Variants in RANBP9 observed in about 807,000 individuals in gnomAD.
The protein encoded by RANBP9 is ran-binding protein 9.
Under a neutral mutation model 84.3 loss-of-function variants are expected in RANBP9, and 15 were observed. The observed-to-expected ratio is 0.18, with a 90% CI of 0.12 to 0.27. The LOEUF is 0.27. Ranked by LOEUF, RANBP9 falls within the 10% of genes least tolerant of loss-of-function variation. RANBP9 has a pLI of 1.00. For synonymous variants in RANBP9, 392 were observed against 349.6 expected (o/e 1.12, Z -1.35); for missense variants, 809 against 912.8 (o/e 0.89, Z 1.46).
intron 2 of RANBP9, among the ~76,000 whole-genome samples, chr6:13,670,650 A>AT (rs1426239871): frequency 6.6e-6 from 1 of 151,614 alleles, no homozygotes; most frequent in Non-Finnish European, 1.5e-5. Flanking sequence ...CAAAAACAAA[A>AT]TTAGACGGGC....
At chr6:13,708,489 A>G (rs538911107) in intron 1 of RANBP9, among the ~76,000 whole-genome samples, 18 of 152,296 alleles carry the variant, frequency 1.2e-4, no homozygotes, top group Admixed American at 3.9e-4. Context: ...AGCAAAAGAA[A>G]GCAAAATACT....
Position 13,641,035 on chromosome 6 carries a change from A to G in RANBP9, c.1334+164T>C, listed in dbSNP as rs534017945. Among the ~76,000 whole-genome samples, 4 of 152,298 alleles carry G rather than the reference A, an allele frequency of 2.6e-5. No individual in the cohort carries two copies. In the South Asian group the frequency reaches 6.2e-4, roughly 24 times the overall value. On this transcript the variant is annotated intron_variant, in intron 8 of 13. Coordinates refer to ENST00000011619, the MANE Select transcript of RANBP9 (RefSeq NM_005493.3). ...CCTTCTGCTTATGGTCCTTAACACA[A>G]AAGTATTTTTCATAACATGTTGCTT...
At chr6:13,629,923 T>TCTC (rs1562296324) in intron 12 of RANBP9, among the ~76,000 whole-genome samples, 54 of 109,786 alleles carry the variant, frequency 4.9e-4, no homozygotes, top group Admixed American at 2.0e-3. Context: ...CTCTCTCTCG[T>TCTC]GTGTGTGTGT....
intron 2 of RANBP9, among the ~76,000 whole-genome samples, chr6:13,682,261 TTAAG>T (rs1185988059): frequency 2.6e-5 from 4 of 152,078 alleles, no homozygotes; most frequent in African/African-American, 9.7e-5. Context: ...GAAGATAATT[TTAAG>T]TAAGTGAAAC....
intron 2 of RANBP9, among the ~76,000 whole-genome samples, chr6:13,663,647 G>C (rs1765582008): frequency 6.6e-6 from 1 of 151,880 alleles, no homozygotes; most frequent in South Asian, 2.1e-4. Flanking sequence ...GCTAAAAATA[G>C]CAGAGACATA....
chr6:13,659,562 C>G (rs965062591), intron 2 of RANBP9, among the ~76,000 whole-genome samples: 1 of 151,928 alleles, frequency 6.6e-6, no homozygotes, highest in Admixed American at 6.6e-5. Flanking sequence ...AAATATAGTT[C>G]AAAGGAAGAA....
In RANBP9 at chr6:13,663,285, A is replaced by G. The variant is rs564624767; in HGVS notation, c.684-4453T>C. Among the ~76,000 whole-genome samples the G allele has an allele frequency of 8.5e-5, 13 of 152,298 alleles. No homozygotes were observed. The South Asian group carries it at 2.3e-3, about 27-fold the overall frequency. ...AATGAAATCTTTAAAAGTGCTAAAA[A>G]GAAAAAAAACCCAAAAGCCTGCCAA... On this transcript the variant is annotated intron_variant, in intron 2 of 13. Transcript: ENST00000011619.
chr6:13,666,690 G>T (rs1765657440), intron 2 of RANBP9, among the ~76,000 whole-genome samples: 1 of 150,388 alleles, frequency 6.6e-6, no homozygotes, highest in Non-Finnish European at 1.5e-5. Context: ...TTGAGCCTGA[G>T]AGGTCGAGGC....
intron 2 of RANBP9, among the ~76,000 whole-genome samples, chr6:13,679,787 T>TA (rs1765986024): frequency 6.6e-6 from 1 of 152,062 alleles, no homozygotes; most frequent in Non-Finnish European, 1.5e-5. Context: ...GATGTACCTA[T>TA]AAAACTATGG....
At chr6:13,632,339 T>G (rs969050197) in intron 12 of RANBP9, 31 bp downstream of exon 12, 5 of 1,599,270 alleles carry the variant, frequency 3.1e-6, no homozygotes, top group African/African-American at 1.3e-5. Flanking sequence ...CTCTGACATA[T>G]TCATAATTTT....
At chr6:13,701,281 C>A (rs1191227781) in intron 1 of RANBP9, among the ~76,000 whole-genome samples, 1 of 152,104 alleles carries the variant, frequency 6.6e-6, no homozygotes, top group Non-Finnish European at 1.5e-5. Context: ...GAATAAAGTC[C>A]AAAATCTTAT....
intron 1 of RANBP9, among the ~76,000 whole-genome samples, chr6:13,708,404 A>C (rs1459922437): frequency 6.6e-6 from 1 of 152,186 alleles, no homozygotes; most frequent in Non-Finnish European, 1.5e-5. Flanking sequence ...CCATCAAGGC[A>C]ACAAAGTTGA....
chr6:13,689,515 C>T (rs1766275960), intron 2 of RANBP9, among the ~76,000 whole-genome samples: 1 of 152,028 alleles, frequency 6.6e-6, no homozygotes, highest in Non-Finnish European at 1.5e-5. Flanking sequence ...CTCAGGTGAT[C>T]CACCCGCTTC....
intron 10 of RANBP9, among the ~76,000 whole-genome samples, chr6:13,635,970 GTTA>G (rs1435386040): frequency 2.0e-5 from 3 of 151,884 alleles, no homozygotes; most frequent in Non-Finnish European, 4.4e-5. Flanking sequence ...AGCTAATTAA[GTTA>G]TTATATTACA....
At chr6:13,626,033 A>G (rs1764593100) in intron 12 of RANBP9, among the ~76,000 whole-genome samples, 1 of 152,218 alleles carries the variant, frequency 6.6e-6, no homozygotes. Flanking sequence ...AAAAAATTTC[A>G]AAGGAATGAA....
In RANBP9 at chr6:13,711,549, C is replaced by T. The variant is rs567722458; in HGVS notation, c.-44G>A. 224 of 1,236,976 alleles carry T rather than the reference C, an allele frequency of 1.8e-4. No individual in the cohort carries two copies. The East Asian group carries it at 6.9e-3, about 38-fold the overall frequency. 76.6% of individuals were successfully genotyped at this position (1,236,976 alleles called of 1,614,324 possible). A position where few individuals can be genotyped will look rare whatever the true frequency, so the allele number is the denominator to read the frequency against. On this transcript the variant is annotated 5_prime_UTR_variant, in exon 1 of 14. Transcript: ENST00000011619. ...TGCGGCCACCTCCACCTCTTCTCTC[C>T]TTCCTCCTCTGCTTCCCGGGGGCGC...
At chr6:13,648,075 A>G (rs1765212060) in intron 5 of RANBP9, among the ~76,000 whole-genome samples, 1 of 149,698 alleles carries the variant, frequency 6.7e-6, no homozygotes, top group African/African-American at 2.5e-5. Context: ...TTCTAACTCT[A>G]TGGATCTGCC....
chr6:13,683,830 G>A (rs1348201591), intron 2 of RANBP9, among the ~76,000 whole-genome samples: 2 of 151,736 alleles, frequency 1.3e-5, no homozygotes, highest in African/African-American at 4.8e-5. Flanking sequence ...CAGAGTAAGA[G>A]GTAAGGGTGA....
At chr6:13,695,585 T>G (rs957785867) in intron 2 of RANBP9, among the ~76,000 whole-genome samples, 4 of 152,000 alleles carry the variant, frequency 2.6e-5, no homozygotes, top group African/African-American at 9.7e-5. Context: ...GAGGTCAAGT[T>G]CATATAATTT....
Sources: gnomAD v4.1 joint callset for allele counts (sites outside exome capture counted in the v4.1 genomes callset) on GRCh38, gnomAD v4.1.1 for gene constraint, MANE v1.5 for transcripts, NCBI Gene and HGNC (gene_info 2026-07-23, HGNC 2026-07-21) for gene names.